ALKBH8: variants seen among roughly 807,000 people sequenced by gnomAD.
ALKBH8 encodes tRNA (carboxymethyluridine(34)-5-O)-methyltransferase ALKBH8.
In ALKBH8, 36 loss-of-function variants were observed where a neutral mutation model predicts 59.8. The observed-to-expected ratio is 0.60, with a 90% confidence interval of 0.46 to 0.79. The LOEUF (loss-of-function observed/expected upper bound fraction) is 0.79, where lower values mean the gene tolerates loss of function less well. Among genes scored for constraint, ALKBH8 ranks in the 30% least tolerant of loss-of-function variants. The probability of loss-of-function intolerance (pLI) is 0.00; values close to 1 mark genes in which losing one functional copy is unlikely to be tolerated. For synonymous variants in ALKBH8, 276 were observed against 273.6 expected (o/e 1.01, Z -0.09); for missense variants, 768 against 801.0 (o/e 0.96, Z 0.50).
chr11:107,551,932 A>C lies in ALKBH8; in HGVS notation c.596-20T>G, dbSNP rs771929129. The C allele has an allele frequency of 1.1e-5, 15 of 1,335,968 alleles. No individual in the cohort carries two copies. In the South Asian group the frequency reaches 2.2e-4, roughly 19 times the overall value. The allele number at this position is 1,335,968 out of a possible 1,614,324, so 82.8% of individuals were successfully genotyped here. ...GAAGACCTACAATGAGTAATCATAA[A>C]GACAAAACATTAAAATATTTACTTT... is the stretch of plus-strand genomic sequence containing the variant. On this transcript the variant is annotated intron_variant, in intron 5 of 11. Coordinates refer to ENST00000428149, the MANE Select transcript of ALKBH8 (RefSeq NM_138775.3).
In ALKBH8 at chr11:107,503,256, G is replaced by A. The variant is rs986719872; in HGVS notation, c.*1402C>T. 4 of 151,860 alleles carry A rather than the reference G, an allele frequency of 2.6e-5. No individual in the cohort carries two copies. Among genetic ancestry groups the A allele is most frequent in the African/African-American group, 9.7e-5 (4 of 41,314 alleles). 9.4% of individuals were successfully genotyped at this position (151,860 alleles called of 1,614,324 possible). ...TGAGCCTTATAAATTCATCCCAGAG[G>A]GACCAGTACACCAGGATGTTGGACT... On this transcript the variant is annotated 3_prime_UTR_variant, in exon 12 of 12. Coordinates refer to ENST00000428149, the MANE Select transcript of ALKBH8 (RefSeq NM_138775.3).
chr11:107,510,716 C>G (rs145277644), intron 11 of ALKBH8, among the ~76,000 whole-genome samples, 171 bp downstream of exon 11: 9 of 152,286 alleles, frequency 5.9e-5, no homozygotes, highest in African/African-American at 1.7e-4. Flanking sequence ...GATACTTAAA[C>G]AGTTGCCCAT....
At chr11:107,515,837 A>G (rs181625873) in intron 10 of ALKBH8, among the ~76,000 whole-genome samples, 123 of 152,320 alleles carry the variant, frequency 8.1e-4, no homozygotes, top group Admixed American at 1.6e-3. Context: ...TGGCAATGTC[A>G]GTATGATAGA....
chr11:107,515,330 A>T (rs1862819328), intron 10 of ALKBH8, among the ~76,000 whole-genome samples: 1 of 152,188 alleles, frequency 6.6e-6, no homozygotes, highest in Non-Finnish European at 1.5e-5. Context: ...AAGATCAATG[A>T]CATTAAAACA....
chr11:107,533,270 A>G (rs936603735), intron 7 of ALKBH8, among the ~76,000 whole-genome samples: 1 of 152,190 alleles, frequency 6.6e-6, no homozygotes, highest in Non-Finnish European at 1.5e-5. Context: ...AATCCATTTG[A>G]AAAATAGATA....
At position 107,529,512 on chromosome 11, in the gene ALKBH8, C is replaced by CT. The variant is rs1394536291; in HGVS notation, c.878+2787dup. 3.9e-3 allele frequency among the ~76,000 whole-genome samples: 288 copies of CT among 74,794 alleles called. 1 individual carries two copies. The highest frequency in any genetic ancestry group is 0.011 in the African/African-American group (233 of 20,496). The allele number at this position is 74,794 out of a possible 152,430, so 49.1% of individuals were successfully genotyped here. ...CAGGCTAGCTTTCCATCTCCTACTT[C>CT]TTTTTTTTTTGATATGGAGTCTCAC... is the stretch of plus-strand genomic sequence containing the variant. On this transcript the variant is annotated intron_variant, in intron 8 of 11. Transcript: ENST00000428149.
In ALKBH8 at chr11:107,522,289, C is replaced by T. The variant is rs1863145951; in HGVS notation, c.1287+10G>A. The T allele has an allele frequency of 6.4e-7, 1 of 1,550,398 alleles. No homozygotes were observed. On this transcript the variant is annotated intron_variant, in intron 10 of 11. Coordinates refer to ENST00000428149, the MANE Select transcript of ALKBH8 (RefSeq NM_138775.3). ...TAAGCAAAAAGAAAGTCAAAAGCAA[C>T]ATTACTTGCCATATATAACTCCTTA...
intron 3 of ALKBH8, 152 bp from the exon 4 acceptor site, chr11:107,554,130 GCAGAAACAAAGA>G: frequency 1.1e-6 from 1 of 922,094 alleles, no homozygotes; most frequent in Non-Finnish European, 1.6e-6. Context: ...TATTAAAAGT[GCAGAAACAAAGA>G]CCAAGATCAA....
At chr11:107,557,526 C>G (rs888231888) in intron 2 of ALKBH8, among the ~76,000 whole-genome samples, 1 of 152,032 alleles carries the variant, frequency 6.6e-6, no homozygotes, top group African/African-American at 2.4e-5. Context: ...TATTTCTGTC[C>G]GTTTCCAGGA....
intron 7 of ALKBH8, among the ~76,000 whole-genome samples, chr11:107,544,884 C>A (rs1295390252): frequency 6.7e-6 from 1 of 150,232 alleles, no homozygotes; most frequent in African/African-American, 2.4e-5. Context: ...TACACACCCA[C>A]CAGGATGGTA....
At chr11:107,531,684 C>T (rs912538737) in intron 8 of ALKBH8, among the ~76,000 whole-genome samples, 1 of 152,206 alleles carries the variant, frequency 6.6e-6, no homozygotes, top group African/African-American at 2.4e-5. Context: ...GAGCACTGCA[C>T]TGTGGTTTTA....
rs772016912 is a variant in ALKBH8 at position 107,565,583 on chromosome 11, G to T, written c.-7+18C>A. The T allele has an allele frequency of 6.5e-7, 1 of 1,535,750 alleles. No individual in the cohort carries two copies. ...TGATTTGCTGCCCGTATGCCCGCCA[G>T]TAAGAAGTGCCACACACCTCCGCTT... On this transcript the variant is annotated intron_variant, in intron 1 of 11. Transcript: ENST00000428149.
rs539666249 is a variant in ALKBH8 at position 107,558,542 on chromosome 11, T to C, written c.130-1539A>G. The stretch of plus-strand genomic sequence containing the variant: ...GAGGGTCCACTACCCCATCTAGGAA[T>C]GGAAGATGATGAAGTATGACTTCAG... On this transcript the variant is annotated intron_variant, in intron 2 of 11. Coordinates refer to ENST00000428149, the MANE Select transcript of ALKBH8 (RefSeq NM_138775.3). Among the ~76,000 whole-genome samples the C allele has an allele frequency of 1.2e-4, 19 of 152,270 alleles. No homozygotes were observed. In the South Asian group the frequency reaches 3.7e-3, roughly 30 times the overall value.
At chr11:107,561,048 G>A in intron 1 of ALKBH8, 149 bp from the exon 2 acceptor site, 1 of 631,258 alleles carries the variant, frequency 1.6e-6, no homozygotes. Context: ...ACTAAGAGAA[G>A]TGAGAACAGA....
chr11:107,514,922 C>T lies in ALKBH8; in HGVS notation c.1288-3886G>A, dbSNP rs551195450. Among the ~76,000 whole-genome samples, 14 of 152,178 alleles carry T rather than the reference C, an allele frequency of 9.2e-5. No individual in the cohort carries two copies. The East Asian group carries it at 2.1e-3, about 23-fold the overall frequency. On this transcript the variant is annotated intron_variant, in intron 10 of 11. Coordinates refer to ENST00000428149, the MANE Select transcript of ALKBH8 (RefSeq NM_138775.3). ...AAGACAGAACATGGAGAACAACAGC[C>T]AAACAAAACAAGAGATTTCCCTCTC...
intron 7 of ALKBH8, among the ~76,000 whole-genome samples, chr11:107,543,986 T>C (rs1479660012): frequency 1.3e-5 from 2 of 152,188 alleles, no homozygotes; most frequent in East Asian, 3.8e-4. Context: ...TTTATATGTG[T>C]TAAAATGTCT....
chr11:107,562,024 G>T (rs540918170), intron 1 of ALKBH8, among the ~76,000 whole-genome samples: 1 of 152,266 alleles, frequency 6.6e-6, no homozygotes, highest in African/African-American at 2.4e-5. Context: ...ATGGATGTGG[G>T]CTGGGAGCAG....
intron 10 of ALKBH8, among the ~76,000 whole-genome samples, chr11:107,517,269 C>T (rs920096538): frequency 2.0e-5 from 3 of 152,052 alleles, no homozygotes; most frequent in Non-Finnish European, 4.4e-5. Flanking sequence ...AGATAACAAA[C>T]GGCGTTGAGG....
At chr11:107,509,301 A>G (rs1862523322) in intron 11 of ALKBH8, among the ~76,000 whole-genome samples, 2 of 152,138 alleles carry the variant, frequency 1.3e-5, no homozygotes, top group South Asian at 2.1e-4. Flanking sequence ...GGCCATTTGT[A>G]TATCTTCTTT....
Sources: allele counts gnomAD v4.1 joint callset (sites outside exome capture counted in the v4.1 genomes callset), GRCh38; gene constraint gnomAD v4.1.1; transcripts MANE v1.5; gene names NCBI Gene and HGNC (gene_info 2026-07-23, HGNC 2026-07-21).